Variants in WASHC2A observed in about 807,000 individuals in gnomAD.
WASHC2A encodes WASH complex subunit 2A, also known as WASH complex subunit FAM21A.
Under a neutral mutation model 140.3 loss-of-function variants are expected in WASHC2A, and 82 were observed. That is an observed-to-expected ratio of 0.58 (90% CI 0.49 to 0.70). The LOEUF is 0.70. WASHC2A is among the 30% of genes least tolerant of loss of function. WASHC2A has a pLI of 0.00. For missense variants in WASHC2A, 985 were observed against 1,521.8 expected, an observed-to-expected ratio of 0.65 and a Z score of 5.87; for synonymous variants, 340 against 560.8, an observed-to-expected ratio of 0.61 and a Z score of 5.56.
chr10:50,095,012 A>G, intron 13 of WASHC2A, 136 bp from the exon 14 acceptor site: 1 of 1,531,270 alleles, frequency 6.5e-7, no homozygotes, highest in Non-Finnish European at 8.8e-7. Context: ...AGAATTTTAA[A>G]ATGACTTGTT....
intron 3 of WASHC2A, among the ~76,000 whole-genome samples, chr10:50,076,114 C>T (rs1437854496): frequency 2.0e-5 from 3 of 151,752 alleles, no homozygotes; most frequent in Non-Finnish European, 4.4e-5. Flanking sequence ...GGGGTTTTGC[C>T]ATGGTTTCAC....
At chr10:50,098,881 C>T (rs1840766080) in intron 16 of WASHC2A, among the ~76,000 whole-genome samples, 3 of 149,868 alleles carry the variant, frequency 2.0e-5, no homozygotes, top group African/African-American at 7.4e-5. Flanking sequence ...CCTCCCAAGA[C>T]ACATCAGGTC....
chr10:50,125,804 T>G (rs1443069416), intron 25 of WASHC2A, among the ~76,000 whole-genome samples: 4 of 152,166 alleles, frequency 2.6e-5, no homozygotes, highest in Non-Finnish European at 5.9e-5. Context: ...TTTTAGCCTT[T>G]CTATGTCATT....
At chr10:50,081,735 C>T (rs1285833849) in intron 5 of WASHC2A, among the ~76,000 whole-genome samples, 1 of 151,634 alleles carries the variant, frequency 6.6e-6, no homozygotes, top group Non-Finnish European at 1.5e-5. Flanking sequence ...TGGGTTCAAG[C>T]GATTCTCCTG....
In WASHC2A at chr10:50,129,998, A is replaced by G. The variant is rs1843797527; in HGVS notation, c.3667A>G (p.Ser1223Gly). ...KVKKNETKSN[S>G]QQDVILTTQD... ...CAAGAAGAATGAGACAAAATCCAAT[A>G]GTCAGCAGGATGTCATATTAACAAC... The change falls in exon 29 of 31, where the codon AGT (serine) becomes GGT (glycine). Residue 1223 changes from serine (S) to glycine (G), a missense_variant. Coordinates refer to ENST00000282633, the MANE Select transcript of WASHC2A (RefSeq NM_001005751.3). 1 of 1,611,424 alleles carries G rather than the reference A, an allele frequency of 6.2e-7. No individual in the cohort carries two copies. The highest frequency in any genetic ancestry group is 8.5e-7 in the Non-Finnish European group (1 of 1,179,838).
At chr10:50,126,587 C>T (rs1472612063) in intron 26 of WASHC2A, 38 of 274,688 alleles carry the variant, frequency 1.4e-4, no homozygotes, top group South Asian at 1.4e-3. Context: ...GCTGTTGGGC[C>T]GTACTCTGCA....
intron 1 of WASHC2A, 38 bp from the exon 2 acceptor site, chr10:50,068,067 C>T (rs2132276541): frequency 2.5e-6 from 4 of 1,609,138 alleles, no homozygotes; most frequent in African/African-American, 1.3e-5. Context: ...CCCTGCCGCC[C>T]TCAGGCTCAG....
At position 50,067,977 on chromosome 10, in the gene WASHC2A, T is replaced by C. The variant is rs371278260; in HGVS notation, c.-29T>C. 501 of 1,601,994 alleles carry C rather than the reference T, an allele frequency of 3.1e-4. 1 individual carries two copies. The highest frequency in any genetic ancestry group is 1.1e-3 in the South Asian group (96 of 89,960). On this transcript the variant is annotated 5_prime_UTR_variant, in exon 1 of 31. Coordinates refer to ENST00000282633, the MANE Select transcript of WASHC2A (RefSeq NM_001005751.3). ...GCAGTCCTCGGCGTGTGCTGGCAGC[T>C]TCGGAGCCCACCGAGCCGGGCGGCT... is the stretch of plus-strand genomic sequence containing the variant.
chr10:50,104,125 T>G lies in WASHC2A; in HGVS notation c.1719T>G (p.Phe573Leu). ...AGCTCCCCACGTTGGTTTCCCTGTT[T>G]GATGATGAAGATGAAGAGGTAAACA... ...PGKLPTLVSL[F>L]DDEDEEDNLF... Residue 573 changes from phenylalanine to leucine, a missense_variant, in exon 18 of 31, where the codon TTT becomes TTG. Physicochemically the swap from Phe to Leu is conservative, Grantham distance 22. Transcript: ENST00000282633. The G allele has an allele frequency of 6.8e-7, 1 of 1,464,792 alleles. No homozygotes were observed. Among genetic ancestry groups the G allele is most frequent in the Non-Finnish European group, 9.4e-7 (1 of 1,058,208 alleles). The allele number at this position is 1,464,792 out of a possible 1,614,324, so 90.7% of individuals were successfully genotyped here. A position where few individuals can be genotyped will look rare whatever the true frequency, so the allele number is the denominator to read the frequency against.
chr10:50,102,138 A>C (rs1252670485), intron 17 of WASHC2A, among the ~76,000 whole-genome samples: 9 of 152,108 alleles, frequency 5.9e-5, no homozygotes, highest in Non-Finnish European at 1.3e-4. Flanking sequence ...TTGTGTGAAA[A>C]CCCTACCAAA....
chr10:50,086,356 G>A (rs1273812843), intron 7 of WASHC2A, among the ~76,000 whole-genome samples: 7 of 151,510 alleles, frequency 4.6e-5, no homozygotes, highest in Admixed American at 1.3e-4. Flanking sequence ...TTTAGCCACC[G>A]ATGTGGCACT....
At chr10:50,109,705 A>T (rs1842103318) in intron 19 of WASHC2A, among the ~76,000 whole-genome samples, 1 of 152,178 alleles carries the variant, frequency 6.6e-6, no homozygotes, top group Non-Finnish European at 1.5e-5. Context: ...GTTTAAATAC[A>T]ACTTAGTTTA....
intron 3 of WASHC2A, among the ~76,000 whole-genome samples, chr10:50,073,367 A>T (rs1315556697): frequency 3.3e-5 from 5 of 152,162 alleles, no homozygotes; most frequent in African/African-American, 9.7e-5. Context: ...GATCTTGGCA[A>T]TGACCTTGAG....
rs1433304896 is a variant in WASHC2A at position 50,125,516 on chromosome 10, A to G, written c.2688+67A>G. 6.8e-6 allele frequency: 11 copies of G among 1,611,160 alleles called. No homozygotes were observed. The African/African-American group carries it at 1.3e-4, about 20-fold the overall frequency. ...ATTCTGGGAAAGGAAACTAACGTCC[A>G]GTTAGATCATTAAGGAAAATCCTAG... On this transcript the variant is annotated intron_variant, in intron 25 of 30. Transcript: ENST00000282633.
intron 17 of WASHC2A, 82 bp downstream of exon 17, chr10:50,100,146 T>C (rs1174319530): frequency 1.1e-5 from 16 of 1,399,864 alleles, no homozygotes; most frequent in Middle Eastern, 5.2e-4. Context: ...TTTTTCTCAA[T>C]AGAGTTATAA....
intron 2 of WASHC2A, among the ~76,000 whole-genome samples, chr10:50,068,637 C>T (rs538583823): frequency 6.7e-6 from 1 of 148,884 alleles, no homozygotes; most frequent in African/African-American, 2.5e-5. Flanking sequence ...CTGTTGGAGT[C>T]CCAAATGAAT....
In WASHC2A at chr10:50,106,460, G is replaced by A. The variant is rs1841792021; in HGVS notation, c.1864G>A (p.Glu622Lys). The part of the protein sequence containing the change: ...KASALLFSSD[E>K]EDQWNIPASQ... ...ATCTGCCCTGTTGTTCAGCAGTGAT[G>A]AGGAGGTGAGCTGAGGTTTCTGCTA... is the stretch of plus-strand genomic sequence containing the variant. The change falls in exon 19 of 31, where the codon GAG (glutamate) becomes AAG (lysine). Residue 622 changes from glutamate (E) to lysine (K), a missense_variant. Coordinates refer to ENST00000282633, the MANE Select transcript of WASHC2A (RefSeq NM_001005751.3). 6.2e-7 allele frequency: 1 copy of A among 1,607,074 alleles called. No homozygotes were observed. Among genetic ancestry groups the A allele is most frequent in the Non-Finnish European group, 8.5e-7 (1 of 1,178,000 alleles).
At chr10:50,068,800 C>T (rs1554875172) in intron 2 of WASHC2A, among the ~76,000 whole-genome samples, 1 of 149,410 alleles carries the variant, frequency 6.7e-6, no homozygotes, top group African/African-American at 2.5e-5. Context: ...TCACTGAATC[C>T]TCTGGGGTTC....
At chr10:50,078,259 AAATC>A in intron 3 of WASHC2A, 1 of 662,284 alleles carries the variant, frequency 1.5e-6, no homozygotes, top group Non-Finnish European at 2.6e-6. Flanking sequence ...TCCTTGTTCA[AAATC>A]CTGAAGTTCT....
Sources: allele counts gnomAD v4.1 joint callset (sites outside exome capture counted in the v4.1 genomes callset), GRCh38; gene constraint gnomAD v4.1.1; transcripts MANE v1.5; gene names NCBI Gene and HGNC (gene_info 2026-07-23, HGNC 2026-07-21).